The following RPAP1 variants were observed in gnomAD, a reference collection of about 807,000 sequenced individuals.
RPAP1 encodes the protein RNA polymerase II-associated protein 1.
A neutral mutation model predicts 142.4 loss-of-function variants in RPAP1; 109 were observed. That is an observed-to-expected ratio of 0.77 (90% CI 0.66 to 0.90). The LOEUF (loss-of-function observed/expected upper bound fraction) is 0.90, where lower values mean the gene tolerates loss of function less well. Among genes scored for constraint, RPAP1 ranks in the 40% least tolerant of loss-of-function variants. RPAP1 has a pLI of 0.00. For synonymous variants in RPAP1, 704 were observed against 738.9 expected, an observed-to-expected ratio of 0.95 and a Z score of 0.77; for missense variants, 1,546 against 1,751.7, an observed-to-expected ratio of 0.88 and a Z score of 2.10.
intron 4 of RPAP1, 59 bp from the exon 5 acceptor site, chr15:41,535,691 C>T (rs1041964667): frequency 5.0e-6 from 8 of 1,585,686 alleles, no homozygotes; most frequent in African/African-American, 4.1e-5. Context: ...TTCCTCTCAA[C>T]CTCTTTATAT....
chr15:41,535,893 G>GT (rs751165228), intron 4 of RPAP1, among the ~76,000 whole-genome samples: 8 of 152,098 alleles, frequency 5.3e-5, no homozygotes, highest in Non-Finnish European at 1.0e-4. Context: ...TGGGGTCTCA[G>GT]TTTCCTCATA....
Position 41,521,725 on chromosome 15 carries a change from A to G in RPAP1, c.3038+13T>C, listed in dbSNP as rs773111856. The G allele has an allele frequency of 6.2e-7, 1 of 1,613,768 alleles. No individual in the cohort carries two copies. Among genetic ancestry groups the G allele is most frequent in the Non-Finnish European group, 8.5e-7 (1 of 1,179,838 alleles). On this transcript the variant is annotated intron_variant, in intron 21 of 24. Transcript: ENST00000304330. Reference sequence around the variant, plus strand: ...CAAAAGGGCTGAGTTGATGCCACCAACCAAGCACTTACGGGAGGAACTCCA... The same window carrying G: ...CAAAAGGGCTGAGTTGATGCCACCAGCCAAGCACTTACGGGAGGAACTCCA...
intron 1 of RPAP1, among the ~76,000 whole-genome samples, chr15:41,542,216 T>G (rs555068004): frequency 6.6e-6 from 1 of 152,288 alleles, no homozygotes; most frequent in East Asian, 1.9e-4. Flanking sequence ...GTCTAGAAAT[T>G]CCAAAGGTTT....
chr15:41,536,544 C>T lies in RPAP1; in HGVS notation c.287G>A (p.Arg96Lys), dbSNP rs766168661. The T allele has an allele frequency of 1.2e-6, 2 of 1,614,224 alleles. No individual in the cohort carries two copies. Among genetic ancestry groups the T allele is most frequent in the South Asian group, 1.1e-5 (1 of 91,086 alleles). Residue 96 changes from arginine (R) to lysine (K), a missense_variant, in exon 3 of 25, where the codon AGG (arginine) becomes AAG (lysine). Physicochemically the swap from Arg to Lys is conservative, Grantham distance 26. Around this residue, in one of 3 missense-constraint regions of RPAP1, gnomAD observed 1,333 missense variants for 1,486.6 expected, o/e 0.90. Coordinates refer to ENST00000304330, the MANE Select transcript of RPAP1 (RefSeq NM_015540.4). ...PEDEDPEERLRRHDQHITAVL... is the reference protein window; with the variant it reads ...PEDEDPEERLKRHDQHITAVL... ...AGCAGTGATGTGCTGATCATGCCTC[C>T]TCAGCCTCTCTTCTGGGTCCTCATC...
rs200842885 is a variant in RPAP1 at position 41,522,118 on chromosome 15, G to C, written c.2875C>G (p.Leu959Val). The change falls in exon 20 of 25, where the codon CTC becomes GTC. Residue 959 changes from leucine (L) to valine (V), a missense_variant. Leu to Val is a conservative substitution (Grantham distance 32). Around this residue, in one of 3 missense-constraint regions of RPAP1, gnomAD observed 1,333 missense variants for 1,486.6 expected, o/e 0.90. Transcript: ENST00000304330. ...RHEYHLQYLA[L>V]ALAQKAAALQ... Reference sequence around the variant, plus strand: ...CCTACCGCTTTCTGGGCCAGAGCGAGTGCCAGGTACTGCAGGTGGTACTCA... The same window carrying C: ...CCTACCGCTTTCTGGGCCAGAGCGACTGCCAGGTACTGCAGGTGGTACTCA... The C allele has an allele frequency of 8.3e-5, 134 of 1,613,760 alleles. 1 individual carries two copies. In the Middle Eastern group the frequency reaches 8.7e-4, roughly 10 times the overall value.
At chr15:41,517,743 T>C (rs1400113954) in intron 24 of RPAP1, 52 bp from the exon 25 acceptor site, 1 of 1,613,980 alleles carries the variant, frequency 6.2e-7, no homozygotes. Context: ...CCTGTTGTGG[T>C]CTCTGTCCCC....
rs771881863 is a variant in RPAP1 at position 41,518,072 on chromosome 15, G to A, written c.3906C>T (p.Pro1302=). 3.2e-5 allele frequency: 51 copies of A among 1,612,790 alleles called. 1 individual carries two copies. Among genetic ancestry groups the A allele is most frequent in the Non-Finnish European group, 3.6e-5 (42 of 1,179,642 alleles). ...GAGCCACAGCCACAGCATAGAGCAC[G>A]GGGCACCAACGTGGGCGGAGCGCAC... ...VTGALRPRWC[P]VLYAVAVAHV... is the part of the protein sequence containing the mutation. The change falls in exon 23 of 25, where the codon CCC becomes CCT. Residue 1302 remains proline, a synonymous_variant. Coordinates refer to ENST00000304330, the MANE Select transcript of RPAP1 (RefSeq NM_015540.4).
chr15:41,531,658 T>A (rs1227634301), intron 6 of RPAP1, among the ~76,000 whole-genome samples: 1 of 108,690 alleles, frequency 9.2e-6, no homozygotes, highest in African/African-American at 3.3e-5. Flanking sequence ...TTTTTTTTTT[T>A]GAGACGGAAT....
chr15:41,532,357 T>A (rs1371277591), intron 6 of RPAP1, among the ~76,000 whole-genome samples: 1 of 151,672 alleles, frequency 6.6e-6, no homozygotes, highest in East Asian at 1.9e-4. Context: ...AGAGATGGGG[T>A]CTCATGATGT....
chr15:41,531,112 G>A lies in RPAP1; in HGVS notation c.854C>T (p.Pro285Leu), dbSNP rs567280087. Residue 285 changes from proline (P) to leucine (L), a missense_variant, in exon 7 of 25, where the codon CCC (proline) becomes CTC (leucine). By Grantham distance (98) the Pro-to-Leu change is moderately conservative. Coordinates refer to ENST00000304330, the MANE Select transcript of RPAP1 (RefSeq NM_015540.4). ...TASEEQRPGGPSANVTKEEPL... is the reference protein window; with the variant it reads ...TASEEQRPGGLSANVTKEEPL... The stretch of plus-strand genomic sequence containing the variant: ...TTCCTCCTTGGTGACATTAGCAGAG[G>A]GTCCTCCTGGCCTCTGCTCCTCAGA... 49 of 1,613,988 alleles carry A rather than the reference G, an allele frequency of 3.0e-5. No homozygotes were observed. The East Asian group carries it at 9.8e-4, about 32-fold the overall frequency.
chr15:41,519,184 C>T (rs115924470), intron 22 of RPAP1, among the ~76,000 whole-genome samples: 10,500 of 152,170 alleles, frequency 0.069, 626 homozygotes, highest in East Asian at 0.35. Flanking sequence ...AGCCACCTCA[C>T]GCAGCCATAA....
chr15:41,536,111 A>G lies in RPAP1; in HGVS notation c.420+18T>C. 5 of 1,606,018 alleles carry G rather than the reference A, an allele frequency of 3.1e-6. No homozygotes were observed. Among genetic ancestry groups the G allele is most frequent in the South Asian group, 1.1e-5 (1 of 90,860 alleles). On this transcript the variant is annotated intron_variant, in intron 4 of 24. Coordinates refer to ENST00000304330, the MANE Select transcript of RPAP1 (RefSeq NM_015540.4). ...CCTGTCTGTCTCCTGAGCACCACCT[A>G]AGCTTACCCTTGCCTACCTGTGTGT...
intron 9 of RPAP1, 136 bp from the exon 10 acceptor site, chr15:41,528,472 A>G: frequency 1.5e-6 from 1 of 656,368 alleles, no homozygotes; most frequent in South Asian, 1.8e-5. Context: ...CAAGCCGGTA[A>G]AGATAAGACT....
chr15:41,527,163 T>G lies in RPAP1; in HGVS notation c.1746+4A>C. 6.2e-7 allele frequency: 1 copy of G among 1,614,184 alleles called. No individual in the cohort carries two copies. Among genetic ancestry groups the G allele is most frequent in the Non-Finnish European group, 8.5e-7 (1 of 1,180,006 alleles). On this transcript the variant is annotated splice_donor_region_variant and intron_variant, in intron 13 of 24. Transcript: ENST00000304330. ...TGCCCATTCCCTGCTCCCTTTTTTC[T>G]CACCCTTGTGGCTGATTCCAGGGAA...
rs777136727 is a variant in RPAP1 at position 41,527,615 on chromosome 15, G to C, written c.1429-10C>G. ...TGCTGTCGAGGAGCTCCTGCCAGAG[G>C]AACGGGAGTTGGGGGGCAATGCTGA... On this transcript the variant is annotated splice_polypyrimidine_tract_variant and intron_variant, in intron 11 of 24. Coordinates refer to ENST00000304330, the MANE Select transcript of RPAP1 (RefSeq NM_015540.4). 6.2e-6 allele frequency: 10 copies of C among 1,607,452 alleles called. No individual in the cohort carries two copies. The East Asian group carries it at 2.2e-4, about 36-fold the overall frequency.
intron 22 of RPAP1, among the ~76,000 whole-genome samples, chr15:41,518,867 A>C (rs2051696526): frequency 6.6e-6 from 1 of 152,126 alleles, no homozygotes; most frequent in African/African-American, 2.4e-5. Flanking sequence ...CAAAAACCCA[A>C]AATCTTAAAA....
At position 41,529,579 on chromosome 15, in the gene RPAP1, G is replaced by A. The variant is rs1425815956; in HGVS notation, c.1060-11C>T. 1.3e-6 allele frequency: 2 copies of A among 1,582,518 alleles called. No homozygotes were observed. Among genetic ancestry groups the A allele is most frequent in the Non-Finnish European group, 1.7e-6 (2 of 1,153,204 alleles). ...TCGAGCCTGCATCCTCTAATGGGAA[G>A]AGAAAGAGGACTGTGGTCTGGGGGC... On this transcript the variant is annotated splice_polypyrimidine_tract_variant and intron_variant, in intron 8 of 24. Transcript: ENST00000304330.
chr15:41,522,874 C>T lies in RPAP1; in HGVS notation c.2633G>A (p.Gly878Asp). 3 of 1,578,444 alleles carry T rather than the reference C, an allele frequency of 1.9e-6. No homozygotes were observed. Among genetic ancestry groups the T allele is most frequent in the Non-Finnish European group, 2.6e-6 (3 of 1,169,144 alleles). The stretch of plus-strand genomic sequence containing the variant: ...GCCAGCCAGACTGAGACGGGGGCAG[C>T]CTCCCGAGCAGCCCAGTGACACGAG... ...PSLVSLGCSGGCPRLSLAGSA... is the reference protein window; with the variant it reads ...PSLVSLGCSGDCPRLSLAGSA... Residue 878 changes from glycine (G) to aspartate (D), a missense_variant, in exon 19 of 25, where the codon GGC becomes GAC. Gly to Asp is a moderately conservative substitution (Grantham distance 94). Around this residue, in one of 3 missense-constraint regions of RPAP1, gnomAD observed 1,333 missense variants for 1,486.6 expected, o/e 0.90. Coordinates refer to ENST00000304330, the MANE Select transcript of RPAP1 (RefSeq NM_015540.4).
At position 41,527,624 on chromosome 15, in the gene RPAP1, T is replaced by C. The variant is rs1421513150; in HGVS notation, c.1429-19A>G. 6.2e-7 allele frequency: 1 copy of C among 1,601,214 alleles called. No individual in the cohort carries two copies. The highest frequency in any genetic ancestry group is 1.7e-5 in the Admixed American group (1 of 57,240). Reference sequence around the variant, plus strand: ...GGAGCTCCTGCCAGAGGAACGGGAGTTGGGGGGCAATGCTGAAGGGGCCAG... The same window carrying C: ...GGAGCTCCTGCCAGAGGAACGGGAGCTGGGGGGCAATGCTGAAGGGGCCAG... On this transcript the variant is annotated intron_variant, in intron 11 of 24. Coordinates refer to ENST00000304330, the MANE Select transcript of RPAP1 (RefSeq NM_015540.4).
Sources: gnomAD v4.1 joint callset for allele counts (sites outside exome capture counted in the v4.1 genomes callset) on GRCh38, gnomAD v4.1.1 for gene constraint, gnomAD v4.1.1 regional missense constraint, MANE v1.5 for transcripts, NCBI Gene and HGNC (gene_info 2026-07-23, HGNC 2026-07-21) for gene names.